SLC38A8: variants seen among roughly 807,000 people sequenced by gnomAD.
The protein encoded by SLC38A8 is amino acid transporter SLC38A8.
In SLC38A8, 65 loss-of-function variants were observed where a neutral mutation model predicts 46.0. That is an observed-to-expected ratio of 1.41 (90% CI 1.16 to 1.74). The LOEUF (loss-of-function observed/expected upper bound fraction) is 1.74, where lower values mean the gene tolerates loss of function less well. SLC38A8 is among the 40% of genes most tolerant of loss of function. The pLI is 0.00. For missense variants in SLC38A8, 998 were observed against 567.9 expected (o/e 1.76, Z -7.70); for synonymous variants, 447 against 243.7 (o/e 1.83, Z -7.77).
chr16:84,016,666 C>A lies in SLC38A8; in HGVS notation c.1015G>T (p.Ala339Ser). ...CLGGWGPSAL[A>S]DPSGLWVRMP... ...CGGACCCACAGCCCTGAGGGGTCGG[C>A]CAGGGCGCTGGGCCCCCATCCCCCC... The change falls in exon 9 of 11, where the codon GCC becomes TCC. Residue 339 changes from alanine to serine, a missense_variant. Physicochemically the swap from Ala to Ser is moderately conservative, Grantham distance 99. Coordinates refer to ENST00000299709, the MANE Select transcript of SLC38A8 (RefSeq NM_001080442.3). 1 of 1,613,644 alleles carries A rather than the reference C, an allele frequency of 6.2e-7. No individual in the cohort carries two copies. The highest frequency in any genetic ancestry group is 8.5e-7 in the Non-Finnish European group (1 of 1,180,018).
At chr16:84,020,200 G>C (rs986211682) in intron 7 of SLC38A8, among the ~76,000 whole-genome samples, 1 of 151,548 alleles carries the variant, frequency 6.6e-6, no homozygotes, top group African/African-American at 2.4e-5. Flanking sequence ...GAGGGCGGTG[G>C]CACAATCACA....
rs200390359 is a variant in SLC38A8 at position 84,016,731 on chromosome 16, G to A, written c.954-4C>T. ...CCAGAAGTCCTGCATCACTGACCTG[G>A]AGGCCACAGCCAACACAGACACATG... On this transcript the variant is annotated splice_region_variant and splice_polypyrimidine_tract_variant and intron_variant, in intron 8 of 10. Coordinates refer to ENST00000299709, the MANE Select transcript of SLC38A8 (RefSeq NM_001080442.3). The A allele has an allele frequency of 7.6e-4, 1,225 of 1,610,898 alleles. No individual in the cohort carries two copies. The highest frequency in any genetic ancestry group is 9.9e-4 in the Non-Finnish European group (1,163 of 1,179,124).
chr16:84,021,507 C>T (rs1480255981), intron 7 of SLC38A8, among the ~76,000 whole-genome samples: 2 of 152,200 alleles, frequency 1.3e-5, no homozygotes, highest in Non-Finnish European at 2.9e-5. Flanking sequence ...GAAACCTCCT[C>T]AGAACAGACT....
rs987693406 is a variant in SLC38A8 at position 84,017,314 on chromosome 16, C to A, written c.806-27G>T. The A allele has an allele frequency of 4.3e-6, 7 of 1,612,744 alleles. No individual in the cohort carries two copies. The African/African-American group carries it at 9.4e-5, about 22-fold the overall frequency. On this transcript the variant is annotated intron_variant, in intron 7 of 10. Coordinates refer to ENST00000299709, the MANE Select transcript of SLC38A8 (RefSeq NM_001080442.3). ...TGAAGGTGGGAAAGGATGGAAGCCA[C>A]AGAGTGGATTAGGAAAATGCTGCCC...
At chr16:84,012,320 G>A (rs1342657360) in intron 10 of SLC38A8, among the ~76,000 whole-genome samples, 1 of 152,196 alleles carries the variant, frequency 6.6e-6, no homozygotes, top group African/African-American at 2.4e-5. Context: ...GCTGCTCAGT[G>A]GCAAAGTACA....
At chr16:84,026,969 T>G (rs552588170) in intron 6 of SLC38A8, among the ~76,000 whole-genome samples, 1 of 152,184 alleles carries the variant, frequency 6.6e-6, no homozygotes, top group Non-Finnish European at 1.5e-5. Flanking sequence ...TGCACAGCTC[T>G]GACTGTACTA....
At position 84,033,750 on chromosome 16, in the gene SLC38A8, C is replaced by T. The variant is rs553930698; in HGVS notation, c.389-281G>A. 1.1e-3 allele frequency among the ~76,000 whole-genome samples: 174 copies of T among 152,310 alleles called. 2 individuals are homozygous for T. Among genetic ancestry groups the T allele is most frequent in the African/African-American group, 4.1e-3 (169 of 41,580 alleles). On this transcript the variant is annotated intron_variant, in intron 3 of 10. Transcript: ENST00000299709. ...AGGCGATGACCAGACAAGCCATCTG[C>T]CCTCGTGCCCCTTACATTCTGGTGA...
At chr16:84,031,160 C>T (rs1036946096) in intron 5 of SLC38A8, among the ~76,000 whole-genome samples, 50 of 152,184 alleles carry the variant, frequency 3.3e-4, no homozygotes, top group African/African-American at 1.2e-3. Context: ...CTGCCTCAGC[C>T]TCCTGAATAG....
intron 6 of SLC38A8, among the ~76,000 whole-genome samples, chr16:84,026,965 GCT>G (rs2085171879): frequency 6.6e-6 from 1 of 152,178 alleles, no homozygotes; most frequent in African/African-American, 2.4e-5. Flanking sequence ...TGGTTGCACA[GCT>G]CTGACTGTAC....
chr16:84,033,510 T>A, intron 3 of SLC38A8, 41 bp from the exon 4 acceptor site: 1 of 1,537,554 alleles, frequency 6.5e-7, no homozygotes, highest in South Asian at 1.3e-5. Flanking sequence ...AGAGTACAAA[T>A]GCCGTGGGTT....
upstream of SLC38A8, among the ~76,000 whole-genome samples, chr16:84,043,264 G>C (rs1472197874): frequency 6.6e-6 from 1 of 152,188 alleles, no homozygotes; most frequent in Non-Finnish European, 1.5e-5. Context: ...AAACTGATAC[G>C]GGGTCAGCTA....
chr16:84,037,045 G>C (rs1191773712), intron 2 of SLC38A8, 145 bp from the exon 3 acceptor site: 2 of 783,400 alleles, frequency 2.6e-6, no homozygotes. Context: ...CAGTCTACCA[G>C]CTATGTCACT....
intron 6 of SLC38A8, among the ~76,000 whole-genome samples, chr16:84,027,335 G>C (rs533555472): frequency 6.3e-4 from 83 of 132,354 alleles, no homozygotes; most frequent in African/African-American, 2.8e-3. Context: ...GGGCGACAGA[G>C]CAAGTCTGCC....
intron 7 of SLC38A8, among the ~76,000 whole-genome samples, chr16:84,019,515 G>A (rs996330271): frequency 1.2e-4 from 18 of 152,174 alleles, no homozygotes; most frequent in Admixed American, 9.2e-4. Flanking sequence ...CCCACCTCTC[G>A]ATACTGCCAT....
intron 2 of SLC38A8, 27 bp from the exon 3 acceptor site, chr16:84,036,927 C>G (rs1197446093): frequency 6.3e-7 from 1 of 1,584,672 alleles, no homozygotes; most frequent in African/African-American, 1.3e-5. Flanking sequence ...GGACCTGGAA[C>G]TGGGGTGTGC....
Position 84,025,581 on chromosome 16 carries a change from C to T in SLC38A8, c.691-2692G>A, listed in dbSNP as rs1000476564. Among the ~76,000 whole-genome samples the T allele has an allele frequency of 2.6e-5, 4 of 152,276 alleles. No homozygotes were observed. In the South Asian group the frequency reaches 6.2e-4, roughly 24 times the overall value. ...GGCCAGGATCGGAGCCTGCACCGAG[C>T]TGAATAAACACTACAGGGCTTACCC... is the stretch of plus-strand genomic sequence containing the variant. On this transcript the variant is annotated intron_variant, in intron 6 of 10. Transcript: ENST00000299709.
intron 1 of SLC38A8, 50 bp from the exon 2 acceptor site, chr16:84,042,209 C>T (rs775221026): frequency 5.8e-6 from 9 of 1,539,836 alleles, no homozygotes; most frequent in Non-Finnish European, 6.1e-6. Flanking sequence ...ACGCTTTCCT[C>T]CCTAAGTTCT....
At chr16:84,018,367 G>C (rs888653048) in intron 7 of SLC38A8, among the ~76,000 whole-genome samples, 5 of 151,698 alleles carry the variant, frequency 3.3e-5, no homozygotes, top group African/African-American at 1.2e-4. Flanking sequence ...TGAGTAGCTG[G>C]GACTACAGAC....
At chr16:84,042,403 G>A (rs759613970) in intron 1 of SLC38A8, among the ~76,000 whole-genome samples, 148 bp downstream of exon 1, 34 of 151,566 alleles carry the variant, frequency 2.2e-4, no homozygotes, top group Non-Finnish European at 4.1e-4. Context: ...TAGACCCCAA[G>A]GCAACCTCAC....
Sources: allele counts gnomAD v4.1 joint callset (sites outside exome capture counted in the v4.1 genomes callset), GRCh38; gene constraint gnomAD v4.1.1; transcripts MANE v1.5; gene names NCBI Gene and HGNC (gene_info 2026-07-23, HGNC 2026-07-21).